The following POU6F2 variants were observed in gnomAD, a reference collection of about 807,000 sequenced individuals.
POU6F2 encodes the protein POU domain, class 6, transcription factor 2.
A neutral mutation model predicts 71.3 loss-of-function variants in POU6F2; 31 were observed. The ratio of observed to expected loss-of-function variants is 0.43; its 90% CI spans 0.33 to 0.59. The LOEUF (loss-of-function observed/expected upper bound fraction) is 0.59. Ranked by LOEUF, POU6F2 falls within the 20% of genes least tolerant of loss-of-function variation. The pLI is 0.04. For missense variants in POU6F2, 783 were observed against 856.8 expected, an observed-to-expected ratio of 0.91 and a Z score of 1.07; for synonymous variants, 347 against 355.7, an observed-to-expected ratio of 0.98 and a Z score of 0.27.
chr7:39,012,640 C>A (rs183689016), intron 1 of POU6F2, among the ~76,000 whole-genome samples: 2 of 151,344 alleles, frequency 1.3e-5, no homozygotes, highest in Admixed American at 1.3e-4. Context: ...CTGTTTTTTT[C>A]CCCATCTTTG....
chr7:38,994,950 A>G (rs536002950), intron 1 of POU6F2, among the ~76,000 whole-genome samples: 1 of 152,318 alleles, frequency 6.6e-6, no homozygotes, highest in East Asian at 1.9e-4. Context: ...ATCCCCATTG[A>G]CAGACTGATC....
intron 4 of POU6F2, among the ~76,000 whole-genome samples, chr7:39,288,897 A>G (rs1455899278): frequency 6.6e-6 from 1 of 152,134 alleles, no homozygotes; most frequent in East Asian, 1.9e-4. Context: ...CCCCACCAAG[A>G]GGTATTCAAA....
rs752789995 is a variant in POU6F2 at position 39,207,448 on chromosome 7, C to G, written c.426C>G (p.Gly142=). Residue 142 remains glycine, a synonymous_variant, in exon 4 of 10, where the codon GGC becomes GGG. Coordinates refer to ENST00000518318, the MANE Select transcript of POU6F2 (RefSeq NM_001370959.1). Reference sequence around the variant, plus strand: ...CTGTGGCCGGCGTGATGCCGGGAGGCCCCCCAGCCCTCAACCAGCCAATCC... The same window carrying G: ...CTGTGGCCGGCGTGATGCCGGGAGGGCCCCCAGCCCTCAACCAGCCAATCC... ...ASAVAGVMPG[G]PPALNQPILI... 3.7e-6 allele frequency: 6 copies of G among 1,613,712 alleles called. No individual in the cohort carries two copies. The highest frequency in any genetic ancestry group is 4.5e-5 in the East Asian group (2 of 44,870).
At chr7:39,087,146 T>A (rs1791266605) in intron 2 of POU6F2, among the ~76,000 whole-genome samples, 1 of 59,064 alleles carries the variant, frequency 1.7e-5, no homozygotes, top group Non-Finnish European at 3.6e-5. Flanking sequence ...CAGGCTTTAT[T>A]AATTAATTAA....
chr7:39,082,163 A>G (rs1791133598), intron 1 of POU6F2, among the ~76,000 whole-genome samples: 1 of 152,198 alleles, frequency 6.6e-6, no homozygotes, highest in Admixed American at 6.5e-5. Context: ...CTCTCTTTGT[A>G]GGACACGGTG....
At chr7:39,402,857 T>G (rs978171607) in intron 5 of POU6F2, among the ~76,000 whole-genome samples, 1 of 152,198 alleles carries the variant, frequency 6.6e-6, no homozygotes, top group Non-Finnish European at 1.5e-5. Flanking sequence ...AAAAAAGATA[T>G]TTATGGAGGT....
intron 4 of POU6F2, among the ~76,000 whole-genome samples, chr7:39,310,354 G>A (rs1054263388): frequency 3.3e-5 from 5 of 152,192 alleles, no homozygotes; most frequent in Non-Finnish European, 5.9e-5. Flanking sequence ...GAAGGGATAA[G>A]TGTCCTTATT....
intron 5 of POU6F2, among the ~76,000 whole-genome samples, chr7:39,365,084 T>G (rs1341786666): frequency 6.6e-6 from 1 of 152,178 alleles, no homozygotes; most frequent in Admixed American, 6.5e-5. Context: ...GAATTGTCTA[T>G]TCATGCCCTT....
intron 4 of POU6F2, among the ~76,000 whole-genome samples, chr7:39,209,190 TG>T (rs1240125118): frequency 2.6e-5 from 4 of 152,236 alleles, no homozygotes; most frequent in African/African-American, 7.2e-5. Context: ...CTTTTGTTTT[TG>T]TTTGTTGTAA....
At chr7:39,314,980 C>T (rs937803638) in intron 4 of POU6F2, among the ~76,000 whole-genome samples, 2 of 152,144 alleles carry the variant, frequency 1.3e-5, no homozygotes, top group Admixed American at 1.3e-4. Context: ...CATAGCAAAA[C>T]TTCAACCTCT....
chr7:39,162,693 T>C (rs571640870), intron 2 of POU6F2, among the ~76,000 whole-genome samples: 9 of 152,302 alleles, frequency 5.9e-5, no homozygotes, highest in African/African-American at 2.2e-4. Context: ...CAAAGAAGTT[T>C]AGTATAAACA....
In POU6F2 at chr7:39,407,150, G is replaced by T. The variant is rs574033849; in HGVS notation, c.1113+410G>T. 8.5e-5 allele frequency among the ~76,000 whole-genome samples: 13 copies of T among 152,050 alleles called. No individual in the cohort carries two copies. The East Asian group carries it at 1.5e-3, about 18-fold the overall frequency. On this transcript the variant is annotated intron_variant, in intron 6 of 9. Transcript: ENST00000518318. ...AACTGATCAGTTTCCTTCCATAATT[G>T]CTGTGAGAGAGATATCAAAATTAGT...
chr7:39,185,157 A>C (rs748978151), intron 2 of POU6F2, among the ~76,000 whole-genome samples: 18 of 151,806 alleles, frequency 1.2e-4, no homozygotes, highest in Non-Finnish European at 2.2e-4. Flanking sequence ...GATGGCTGCA[A>C]GTACACTTCA....
At chr7:39,212,170 A>G (rs540122124) in intron 4 of POU6F2, among the ~76,000 whole-genome samples, 1 of 152,252 alleles carries the variant, frequency 6.6e-6, no homozygotes, top group South Asian at 2.1e-4. Flanking sequence ...TGTGGGTGGG[A>G]AGTGGGAAGC....
At chr7:39,078,568 C>T (rs779690856) in intron 1 of POU6F2, among the ~76,000 whole-genome samples, 9 of 152,148 alleles carry the variant, frequency 5.9e-5, no homozygotes, top group South Asian at 4.1e-4. Flanking sequence ...GTAGTGGCCA[C>T]GCCTGGAATG....
intron 4 of POU6F2, among the ~76,000 whole-genome samples, chr7:39,257,505 T>C (rs1784048522): frequency 6.6e-6 from 1 of 152,178 alleles, no homozygotes; most frequent in South Asian, 2.1e-4. Flanking sequence ...ACAAAAGCTT[T>C]AAGCCGCTTA....
chr7:39,247,861 G>T (rs1313222695), intron 4 of POU6F2, among the ~76,000 whole-genome samples: 1 of 152,124 alleles, frequency 6.6e-6, no homozygotes, highest in Non-Finnish European at 1.5e-5. Flanking sequence ...CCCTGTCAGA[G>T]CCTGGAAGTT....
intron 4 of POU6F2, among the ~76,000 whole-genome samples, chr7:39,263,033 CTTG>C (rs1228503013): frequency 6.6e-6 from 1 of 152,172 alleles, no homozygotes; most frequent in Non-Finnish European, 1.5e-5. Flanking sequence ...TTTGTATCCT[CTTG>C]TTGTGAAACC....
At chr7:39,333,919 A>G (rs1181368534) in intron 4 of POU6F2, among the ~76,000 whole-genome samples, 1 of 151,978 alleles carries the variant, frequency 6.6e-6, no homozygotes, top group Non-Finnish European at 1.5e-5. Context: ...TAGAATGCAG[A>G]TTTTGCCCTA....
Sources: allele counts gnomAD v4.1 joint callset (sites outside exome capture counted in the v4.1 genomes callset), GRCh38; gene constraint gnomAD v4.1.1; transcripts MANE v1.5; gene names NCBI Gene and HGNC (gene_info 2026-07-23, HGNC 2026-07-21).